The following DIP2B variants were observed in gnomAD, a reference collection of about 807,000 sequenced individuals.
The protein encoded by DIP2B is DIP2 acetate--CoA ligase B (putative).
Under a neutral mutation model 198.0 loss-of-function variants are expected in DIP2B, and 76 were observed. The observed-to-expected ratio is 0.38, with a 90% CI of 0.32 to 0.46. The LOEUF is 0.46. DIP2B is among the 20% of genes least tolerant of loss of function. DIP2B has a pLI of 0.99. For synonymous variants in DIP2B, 701 were observed against 739.1 expected (o/e 0.95, Z 0.84); for missense variants, 1,559 against 1,978.4 (o/e 0.79, Z 4.02).
intron 1 of DIP2B, among the ~76,000 whole-genome samples, chr12:50,610,356 A>C (rs778350384): frequency 1.3e-5 from 2 of 152,108 alleles, no homozygotes; most frequent in African/African-American, 4.8e-5. Flanking sequence ...CAATGAGTGA[A>C]ATACAGGAAA....
At chr12:50,615,687 G>C (rs2139458259) in intron 1 of DIP2B, among the ~76,000 whole-genome samples, 1 of 152,312 alleles carries the variant, frequency 6.6e-6, no homozygotes, top group East Asian at 1.9e-4. Context: ...TATGTGCTGT[G>C]TGCCAGGGAC....
At chr12:50,732,258 T>A (rs2139598691) in intron 31 of DIP2B, 108 bp from the exon 32 acceptor site, 1 of 1,253,884 alleles carries the variant, frequency 8.0e-7, no homozygotes, top group Middle Eastern at 2.8e-4. Flanking sequence ...GAGGTGAGAA[T>A]ACACAATTGC....
intron 35 of DIP2B, 104 bp from the exon 36 acceptor site, chr12:50,739,305 G>A: frequency 7.6e-7 from 1 of 1,315,858 alleles, no homozygotes. Flanking sequence ...TTGTGTTGTT[G>A]TTAATATAAA....
intron 1 of DIP2B, among the ~76,000 whole-genome samples, chr12:50,538,350 G>C (rs1196680926): frequency 6.6e-6 from 1 of 152,204 alleles, no homozygotes; most frequent in East Asian, 1.9e-4. Flanking sequence ...CAGCCATCGG[G>C]GAGTGTGAGA....
intron 1 of DIP2B, among the ~76,000 whole-genome samples, chr12:50,576,472 C>T (rs775495451): frequency 1.3e-5 from 2 of 151,172 alleles, no homozygotes; most frequent in African/African-American, 2.4e-5. Flanking sequence ...ACGGTCTGAC[C>T]GCCCCCCACC....
chr12:50,645,986 G>C (rs1249270948), intron 3 of DIP2B, among the ~76,000 whole-genome samples: 1 of 151,818 alleles, frequency 6.6e-6, no homozygotes, highest in Non-Finnish European at 1.5e-5. Context: ...TTTCACTTTA[G>C]CTTTATATAT....
intron 1 of DIP2B, among the ~76,000 whole-genome samples, chr12:50,588,535 C>T (rs1201322272): frequency 6.6e-6 from 1 of 152,150 alleles, no homozygotes; most frequent in Non-Finnish European, 1.5e-5. Flanking sequence ...TAGTTATTTC[C>T]TTAATAGTCA....
intron 19 of DIP2B, among the ~76,000 whole-genome samples, chr12:50,699,918 G>T (rs1002477277): frequency 1.3e-5 from 2 of 151,484 alleles, no homozygotes; most frequent in Non-Finnish European, 2.9e-5. Context: ...AGGGTAAGAG[G>T]CCTCACAAAA....
At chr12:50,717,434 T>C (rs1011987677) in intron 23 of DIP2B, among the ~76,000 whole-genome samples, 49 of 144,100 alleles carry the variant, frequency 3.4e-4, no homozygotes, top group African/African-American at 1.2e-3. Flanking sequence ...GGCGCGATCT[T>C]GGCTCACTGC....
At position 50,695,417 on chromosome 12, in the gene DIP2B, G is replaced by C. The variant is rs973897485; in HGVS notation, c.1813+57G>C. 22 of 1,523,988 alleles carry C rather than the reference G, an allele frequency of 1.4e-5. No homozygotes were observed. In the African/African-American group the frequency reaches 2.6e-4, roughly 18 times the overall value. 94.4% of individuals were successfully genotyped at this position (1,523,988 alleles called of 1,614,324 possible). A position where few individuals can be genotyped will look rare whatever the true frequency, so the allele number is the denominator to read the frequency against. On this transcript the variant is annotated intron_variant, in intron 15 of 37. Coordinates refer to ENST00000301180, the MANE Select transcript of DIP2B (RefSeq NM_173602.3). The stretch of plus-strand genomic sequence containing the variant: ...TGTGACTGTTTGAATTAAGATTTCA[G>C]GGATTTCAGAGATTTTCAAATTGCC...
intron 1 of DIP2B, among the ~76,000 whole-genome samples, chr12:50,600,931 CACCACCACT>C (rs1319283649): frequency 1.4e-5 from 2 of 144,904 alleles, no homozygotes; most frequent in African/African-American, 2.8e-5. Context: ...CCACCACCAC[CACCACCACT>C]ACCACCACCA....
chr12:50,616,657 G>A (rs1937705767), intron 1 of DIP2B, among the ~76,000 whole-genome samples: 1 of 152,200 alleles, frequency 6.6e-6, no homozygotes, highest in Non-Finnish European at 1.5e-5. Context: ...GAGGCCAGGA[G>A]CTGGTTTAAT....
chr12:50,606,747 C>T (rs1013223900), intron 1 of DIP2B, among the ~76,000 whole-genome samples: 2 of 151,704 alleles, frequency 1.3e-5, no homozygotes, highest in African/African-American at 4.8e-5. Flanking sequence ...CGTCCCACTT[C>T]AGCCTCTTGA....
At chr12:50,628,251 A>G (rs972435449) in intron 2 of DIP2B, among the ~76,000 whole-genome samples, 2 of 152,094 alleles carry the variant, frequency 1.3e-5, no homozygotes, top group African/African-American at 2.4e-5. Flanking sequence ...CACACCTGTA[A>G]TGCCAGCTAC....
chr12:50,512,899 C>T (rs182850351), intron 1 of DIP2B, among the ~76,000 whole-genome samples: 94 of 152,166 alleles, frequency 6.2e-4, no homozygotes, highest in African/African-American at 2.2e-3. Flanking sequence ...CCCAGCTACT[C>T]GGGAGGCTGA....
chr12:50,514,774 C>CA (rs1958049175), intron 1 of DIP2B, among the ~76,000 whole-genome samples: 1 of 152,164 alleles, frequency 6.6e-6, no homozygotes, highest in Admixed American at 6.6e-5. Flanking sequence ...CCTCCCACCT[C>CA]AGCCTCTCAA....
intron 1 of DIP2B, among the ~76,000 whole-genome samples, chr12:50,604,023 T>A (rs1958960794): frequency 6.6e-6 from 1 of 152,034 alleles, no homozygotes; most frequent in African/African-American, 2.4e-5. Flanking sequence ...GAGTACCAAA[T>A]TCCTTTCTTG....
intron 1 of DIP2B, among the ~76,000 whole-genome samples, chr12:50,624,792 G>C (rs1259664123): frequency 6.6e-6 from 1 of 152,098 alleles, no homozygotes; most frequent in Non-Finnish European, 1.5e-5. Flanking sequence ...TTTTAGTCTT[G>C]GTTCCTGACA....
chr12:50,678,955 T>G, intron 8 of DIP2B, 79 bp downstream of exon 8: 2 of 1,471,648 alleles, frequency 1.4e-6, no homozygotes, highest in Middle Eastern at 1.7e-4. Flanking sequence ...TCTAGATACT[T>G]AGCAGTTGCT....
Sources: allele counts gnomAD v4.1 joint callset (sites outside exome capture counted in the v4.1 genomes callset), GRCh38; gene constraint gnomAD v4.1.1; transcripts MANE v1.5; gene names NCBI Gene and HGNC (gene_info 2026-07-23, HGNC 2026-07-21).